Variants in NDUFB6 observed in about 807,000 individuals in gnomAD.
NDUFB6 encodes NADH dehydrogenase [ubiquinone] 1 beta subcomplex subunit 6.
In NDUFB6, 23 loss-of-function variants were observed where a neutral mutation model predicts 17.5. That is an observed-to-expected ratio of 1.31 (90% confidence interval 0.94 to 1.86). NDUFB6 has a LOEUF of 1.86. Ranked by LOEUF, NDUFB6 falls within the 40% of genes most tolerant of loss-of-function variation. The pLI is 0.00. For missense variants in NDUFB6, 167 were observed against 153.8 expected (o/e 1.09, Z -0.46); for synonymous variants, 60 against 53.5 (o/e 1.12, Z -0.53).
chr9:32,572,062 G>A (rs1418302888), intron 1 of NDUFB6, among the ~76,000 whole-genome samples: 1 of 152,162 alleles, frequency 6.6e-6, no homozygotes, highest in Non-Finnish European at 1.5e-5. Context: ...ATGAGGATTA[G>A]GAATATCTAC....
At position 32,567,797 on chromosome 9, in the gene NDUFB6, C is replaced by T. The variant is rs143954541; in HGVS notation, c.273+3163G>A. On this transcript the variant is annotated intron_variant, in intron 2 of 3. Coordinates refer to ENST00000379847, the MANE Select transcript of NDUFB6 (RefSeq NM_002493.5). ...ACTGTTCCACCAACTGGCCATTCCC[C>T]ACCTCTCTCCCTCTCCTTGGACTGT... 5.4e-4 allele frequency: 153 copies of T among 284,388 alleles called. 3 individuals are homozygous for T. In the East Asian group the frequency reaches 0.015, roughly 28 times the overall value. The allele number at this position is 284,388 out of a possible 1,614,324, so 17.6% of individuals were successfully genotyped here. A position where few individuals can be genotyped will look rare whatever the true frequency, so the allele number is the denominator to read the frequency against.
At chr9:32,568,563 A>G (rs7030515) in intron 2 of NDUFB6, 2,789 of 179,606 alleles carry the variant, frequency 0.016, 87 homozygotes, top group African/African-American at 0.062. Context: ...CTATGCTATC[A>G]AACAGCATCT....
At chr9:32,570,390 T>C (rs1019252698) in intron 2 of NDUFB6, among the ~76,000 whole-genome samples, 6 of 152,300 alleles carry the variant, frequency 3.9e-5, no homozygotes, top group South Asian at 4.1e-4. Context: ...CCAAAATGCA[T>C]GCCCTTCTCA....
At chr9:32,564,393 TAGA>T (rs1214228702) in intron 2 of NDUFB6, among the ~76,000 whole-genome samples, 1 of 152,202 alleles carries the variant, frequency 6.6e-6, no homozygotes, top group Non-Finnish European at 1.5e-5. Flanking sequence ...TTCTTATAAA[TAGA>T]AGGTTTTAGC....
intron 2 of NDUFB6, among the ~76,000 whole-genome samples, chr9:32,561,149 C>A (rs887451925): frequency 1.3e-5 from 2 of 152,072 alleles, no homozygotes; most frequent in African/African-American, 4.8e-5. Context: ...AAATTGTTAG[C>A]CCTTTTTAAT....
chr9:32,573,086 G>C lies in NDUFB6; in HGVS notation c.-26C>G, dbSNP rs1825362421. ...GTCGCCGCTGGTACCAACGCAAAAG[G>C]ACACGGCGCACCCTCGAACTACGGA... On this transcript the variant is annotated 5_prime_UTR_variant, in exon 1 of 4. Coordinates refer to ENST00000379847, the MANE Select transcript of NDUFB6 (RefSeq NM_002493.5). The C allele has an allele frequency of 7.9e-6, 12 of 1,516,358 alleles. No individual in the cohort carries two copies. The highest frequency in any genetic ancestry group is 1.1e-5 in the Non-Finnish European group (12 of 1,129,090). The allele number at this position is 1,516,358 out of a possible 1,614,324, so 93.9% of individuals were successfully genotyped here.
chr9:32,566,229 G>C (rs971738316), intron 2 of NDUFB6: 16 of 890,720 alleles, frequency 1.8e-5, no homozygotes, highest in Admixed American at 1.5e-4. Flanking sequence ...AGCTGGTTTT[G>C]TGGGTGGTTT....
chr9:32,556,386 T>C (rs1360539144), intron 3 of NDUFB6, among the ~76,000 whole-genome samples: 1 of 152,242 alleles, frequency 6.6e-6, no homozygotes, highest in East Asian at 1.9e-4. Context: ...TATCACAATC[T>C]TGGAACCTCA....
rs1821522651 is a variant in NDUFB6, at chr9:32,558,134, C to T, written c.318+776G>A. On this transcript the variant is annotated intron_variant, in intron 3 of 3. Coordinates refer to ENST00000379847, the MANE Select transcript of NDUFB6 (RefSeq NM_002493.5). ...TAGTATACATTTTTTTTTTTTGAGACGGAGTCTCGCTCTGTCACCCAGGCT... is the reference window on the plus strand; with the variant it reads ...TAGTATACATTTTTTTTTTTTGAGATGGAGTCTCGCTCTGTCACCCAGGCT... Among the ~76,000 whole-genome samples the T allele has an allele frequency of 1.3e-4, 5 of 38,642 alleles. No homozygotes were observed. In the South Asian group the frequency reaches 4.5e-3, roughly 35 times the overall value. 25.4% of individuals were successfully genotyped at this position (38,642 alleles called of 152,430 possible).
rs927009641 is a variant in NDUFB6 at position 32,555,825 on chromosome 9, C to T, written c.319-1881G>A. Among the ~76,000 whole-genome samples, 4 of 152,140 alleles carry T rather than the reference C, an allele frequency of 2.6e-5. No homozygotes were observed. In the East Asian group the frequency reaches 5.8e-4, roughly 22 times the overall value. On this transcript the variant is annotated intron_variant, in intron 3 of 3. Transcript: ENST00000379847. The stretch of plus-strand genomic sequence containing the variant: ...GGACAGAGCCAGGAACCAGGAAGAA[C>T]GATGGATAAAGGTGTTCTTTCAAGA...
chr9:32,559,059 A>T, intron 2 of NDUFB6, 105 bp from the exon 3 acceptor site: 1 of 686,532 alleles, frequency 1.5e-6, no homozygotes, highest in South Asian at 2.1e-5. Context: ...AAACTTTCAC[A>T]GAACTCCAGA....
At chr9:32,563,434 A>T (rs981898302) in intron 2 of NDUFB6, among the ~76,000 whole-genome samples, 4 of 150,046 alleles carry the variant, frequency 2.7e-5, no homozygotes, top group African/African-American at 9.8e-5. Context: ...CAGGCTCCAC[A>T]TCCTGGGCTC....
chr9:32,566,591 G>C, intron 2 of NDUFB6: 1 of 784,940 alleles, frequency 1.3e-6, no homozygotes, highest in Non-Finnish European at 2.4e-6. Flanking sequence ...ACATGGAGCG[G>C]AGGACCCGCA....
At chr9:32,568,773 T>TG (rs1821878224) in intron 2 of NDUFB6, among the ~76,000 whole-genome samples, 1 of 133,620 alleles carries the variant, frequency 7.5e-6, no homozygotes, top group Non-Finnish European at 1.6e-5. Flanking sequence ...TTTTTTGAGA[T>TG]GGAGTCTTGC....
intron 2 of NDUFB6, chr9:32,568,645 CAT>C (rs34129985): frequency 0.19 from 30,788 of 161,152 alleles, 3,310 homozygotes; most frequent in Non-Finnish European, 0.25. Flanking sequence ...GTCTCATATA[CAT>C]ATATATATAT....
At chr9:32,566,474 A>T (rs1821793130) in intron 2 of NDUFB6, 15 of 799,468 alleles carry the variant, frequency 1.9e-5, no homozygotes, top group Middle Eastern at 2.2e-4. Context: ...TCCATGTCGA[A>T]GGGACCCTGG....
In NDUFB6 at chr9:32,573,065, C is replaced by G; in HGVS notation, c.-5G>C. On this transcript the variant is annotated 5_prime_UTR_variant, in exon 1 of 4. Transcript: ENST00000379847. ...ATCCGGAGTGTACCCCGTCATGTCGCCGCTGGTACCAACGCAAAAGGACAC... is the reference window on the plus strand; with the variant it reads ...ATCCGGAGTGTACCCCGTCATGTCGGCGCTGGTACCAACGCAAAAGGACAC... The G allele has an allele frequency of 6.4e-7, 1 of 1,550,964 alleles. No individual in the cohort carries two copies. Among genetic ancestry groups the G allele is most frequent in the East Asian group, 2.4e-5 (1 of 42,182 alleles).
At chr9:32,562,643 T>C (rs927232893) in intron 2 of NDUFB6, among the ~76,000 whole-genome samples, 1 of 152,212 alleles carries the variant, frequency 6.6e-6, no homozygotes, top group Non-Finnish European at 1.5e-5. Context: ...CTGACTAGTT[T>C]ATTACTCTAG....
intron 2 of NDUFB6, chr9:32,567,523 C>T (rs1291661876): frequency 9.5e-6 from 4 of 420,632 alleles, no homozygotes; most frequent in East Asian, 7.1e-5. Context: ...TGGGGTTTCA[C>T]CATGTTGGCC....
Sources: allele counts gnomAD v4.1 joint callset (sites outside exome capture counted in the v4.1 genomes callset), GRCh38; gene constraint gnomAD v4.1.1; transcripts MANE v1.5; gene names NCBI Gene and HGNC (gene_info 2026-07-23, HGNC 2026-07-21).